SEC23A: variants seen among roughly 807,000 people sequenced by gnomAD.
SEC23A encodes the protein SEC23 homolog A, COPII component, also known as protein transport protein Sec23A.
SEC23A carries 56 observed loss-of-function variants against 103.7 expected under a neutral mutation model. The ratio of observed to expected loss-of-function variants is 0.54; its 90% confidence interval spans 0.44 to 0.67. The LOEUF is 0.67. Among genes scored for constraint, SEC23A ranks in the 30% least tolerant of loss-of-function variants. The pLI is 0.00. For synonymous variants in SEC23A, 281 were observed against 293.0 expected, an observed-to-expected ratio of 0.96 and a Z score of 0.42; for missense variants, 784 against 936.4, an observed-to-expected ratio of 0.84 and a Z score of 2.12.
At chr14:39,071,877 G>A (rs1886851715) in intron 9 of SEC23A, among the ~76,000 whole-genome samples, 1 of 151,906 alleles carries the variant, frequency 6.6e-6, no homozygotes, top group Admixed American at 6.6e-5. Flanking sequence ...AAAAAAGAAA[G>A]AAAAAGCATG....
intron 7 of SEC23A, among the ~76,000 whole-genome samples, chr14:39,085,296 A>C (rs1887393477): frequency 1.3e-5 from 2 of 152,224 alleles, no homozygotes; most frequent in African/African-American, 4.8e-5. Flanking sequence ...CTGACTGTTC[A>C]TCTATAGTCT....
chr14:39,099,538 G>C (rs1009390528), intron 1 of SEC23A, among the ~76,000 whole-genome samples: 6 of 152,142 alleles, frequency 3.9e-5, no homozygotes, highest in Non-Finnish European at 7.3e-5. Context: ...GATGAGATCA[G>C]TGTTGGTATT....
chr14:39,086,041 G>GTA (rs1159992694), intron 6 of SEC23A, 135 bp from the exon 7 acceptor site: 10 of 786,114 alleles, frequency 1.3e-5, no homozygotes. Flanking sequence ...AAACTTTCGT[G>GTA]TATATGAGAA....
At chr14:39,070,806 C>T (rs768061822) in intron 9 of SEC23A, among the ~76,000 whole-genome samples, 3 of 152,118 alleles carry the variant, frequency 2.0e-5, no homozygotes, top group Non-Finnish European at 2.9e-5. Flanking sequence ...GCAGGTGGAT[C>T]ACCTGAGGTC....
At chr14:39,072,507 A>G (rs370781954) in intron 9 of SEC23A, among the ~76,000 whole-genome samples, 5 of 152,080 alleles carry the variant, frequency 3.3e-5, no homozygotes, top group African/African-American at 1.2e-4. Flanking sequence ...ACTAGGACAG[A>G]TATCATCAAA....
At chr14:39,092,389 T>C (rs1323657188) in intron 4 of SEC23A, 152 bp downstream of exon 4, 1 of 605,058 alleles carries the variant, frequency 1.7e-6, no homozygotes, top group Non-Finnish European at 2.9e-6. Context: ...GGAATTACCC[T>C]GCTCAAACTG....
Position 39,055,289 on chromosome 14 carries a change from C to G in SEC23A, c.1513G>C (p.Asp505His). Reference sequence around the variant, plus strand: ...ATGTTTTGGATTTGAGTTTGAGCATCTGCCCAGCTGAAGACAATAAGAAAG... The same window carrying G: ...ATGTTTTGGATTTGAGTTTGAGCATGTGCCCAGCTGAAGACAATAAGAAAG... ...RVTTIARNWA[D>H]AQTQIQNIAA... Residue 505 changes from aspartate (D) to histidine (H), a missense_variant, in exon 14 of 20, where the codon GAT becomes CAT. Coordinates refer to ENST00000307712, the MANE Select transcript of SEC23A (RefSeq NM_006364.4). 1 of 1,614,092 alleles carries G rather than the reference C, an allele frequency of 6.2e-7. No individual in the cohort carries two copies. The highest frequency in any genetic ancestry group is 8.5e-7 in the Non-Finnish European group (1 of 1,180,018).
chr14:39,059,292 A>ACAAAAAC (rs1886377765), intron 13 of SEC23A, among the ~76,000 whole-genome samples: 49 of 112,306 alleles, frequency 4.4e-4, no homozygotes, highest in Admixed American at 2.4e-3. Context: ...AAAAAAAAAA[A>ACAAAAAC]AAAAAAAAAA....
intron 19 of SEC23A, among the ~76,000 whole-genome samples, chr14:39,036,379 G>A (rs901018326): frequency 7.0e-6 from 1 of 142,246 alleles, no homozygotes; most frequent in Admixed American, 7.0e-5. Flanking sequence ...GATATTTTTA[G>A]TAAATAAAAT....
At chr14:39,097,754 G>C (rs1207531780) in intron 1 of SEC23A, among the ~76,000 whole-genome samples, 5 of 152,148 alleles carry the variant, frequency 3.3e-5, no homozygotes, top group Non-Finnish European at 7.3e-5. Context: ...GGTGCATAAA[G>C]GGTAAAGAGA....
chr14:39,073,376 C>A (rs527816431), intron 9 of SEC23A, among the ~76,000 whole-genome samples: 3 of 151,784 alleles, frequency 2.0e-5, no homozygotes, highest in African/African-American at 7.3e-5. Context: ...TCACTGAAAC[C>A]TCCACCTCCA....
At chr14:39,095,298 C>T (rs1023877968) in intron 2 of SEC23A, among the ~76,000 whole-genome samples, 3 of 143,762 alleles carry the variant, frequency 2.1e-5, no homozygotes, top group African/African-American at 5.1e-5. Flanking sequence ...TCAATCACAA[C>T]TTTTTTTTTT....
At chr14:39,098,553 A>C (rs1411930103) in intron 1 of SEC23A, among the ~76,000 whole-genome samples, 1 of 152,136 alleles carries the variant, frequency 6.6e-6, no homozygotes, top group East Asian at 1.9e-4. Flanking sequence ...AGGCCAGCGG[A>C]TCGCTTGAGG....
chr14:39,100,975 C>G (rs1888070620), intron 1 of SEC23A, among the ~76,000 whole-genome samples: 2 of 151,944 alleles, frequency 1.3e-5, no homozygotes, highest in Admixed American at 6.6e-5. Context: ...TCCCCAGTAG[C>G]TGGGATTACA....
rs1348444643 is a variant in SEC23A, at chr14:39,039,047, ATAT to A, written c.2189_2191del (p.Asn730del). 2 of 1,613,300 alleles carry A rather than the reference ATAT, an allele frequency of 1.2e-6. No homozygotes were observed. Among genetic ancestry groups the A allele is most frequent in the African/African-American group, 2.7e-5 (2 of 74,912 alleles). On this transcript the variant is annotated inframe_deletion, in exon 19 of 20. Transcript: ENST00000307712. ...TAAACTTACCTGCCCCCAGGCATAC[ATAT>A]TATTATGAGTCTGTGAAGGGTTGAC...
intron 1 of SEC23A, among the ~76,000 whole-genome samples, chr14:39,096,642 A>C (rs1408859561): frequency 1.3e-5 from 2 of 152,220 alleles, no homozygotes; most frequent in Non-Finnish European, 2.9e-5. Flanking sequence ...AGGCCCAATA[A>C]GAGGTATTTA....
rs1265664526 is a variant in SEC23A, at chr14:39,061,712, A to G, written c.1505+53T>C. ...CAAAATAGGAATCCAGTTTGGAAAC[A>G]CAACCCAGATACCTGTGATATGAAA... On this transcript the variant is annotated intron_variant, in intron 13 of 19. Coordinates refer to ENST00000307712, the MANE Select transcript of SEC23A (RefSeq NM_006364.4). 1.3e-5 allele frequency: 17 copies of G among 1,283,328 alleles called. No homozygotes were observed. The Admixed American group carries it at 2.7e-4, about 20-fold the overall frequency. 79.5% of individuals were successfully genotyped at this position (1,283,328 alleles called of 1,614,324 possible).
chr14:39,089,133 T>C (rs1216379135), intron 5 of SEC23A, among the ~76,000 whole-genome samples: 2 of 136,764 alleles, frequency 1.5e-5, no homozygotes, highest in Non-Finnish European at 3.0e-5. Context: ...GCCACTGCAC[T>C]CCAGCCTGGG....
intron 16 of SEC23A, among the ~76,000 whole-genome samples, chr14:39,043,149 T>C (rs1382050016): frequency 6.6e-6 from 1 of 152,044 alleles, no homozygotes; most frequent in Non-Finnish European, 1.5e-5. Context: ...GCTAGTTTTT[T>C]CATTTTTTTG....
Sources: gnomAD v4.1 joint callset for allele counts (sites outside exome capture counted in the v4.1 genomes callset) on GRCh38, gnomAD v4.1.1 for gene constraint, MANE v1.5 for transcripts, NCBI Gene and HGNC (gene_info 2026-07-23, HGNC 2026-07-21) for gene names.